Variants in MCC observed in about 807,000 individuals in gnomAD.
MCC encodes MCC regulator of Wnt signaling pathway.
In MCC, 90 loss-of-function variants were observed where a neutral mutation model predicts 116.2. That is an observed-to-expected ratio of 0.77 (90% confidence interval 0.65 to 0.92). The LOEUF (loss-of-function observed/expected upper bound fraction) is 0.92. Ranked by LOEUF, MCC falls within the 40% of genes least tolerant of loss-of-function variation. The pLI is 0.00. For synonymous variants in MCC, 578 were observed against 510.5 expected (o/e 1.13, Z -1.78); for missense variants, 1,516 against 1,312.2 (o/e 1.16, Z -2.40).
intron 11 of MCC, among the ~76,000 whole-genome samples, 188 bp from the exon 12 acceptor site, chr5:113,071,422 A>G (rs1318591425): frequency 6.6e-6 from 1 of 152,206 alleles, no homozygotes; most frequent in African/African-American, 2.4e-5. Flanking sequence ...TGTGAATTAC[A>G]AATAAAAAAT....
chr5:113,278,291 C>A (rs985116109), intron 3 of MCC, among the ~76,000 whole-genome samples: 4 of 152,114 alleles, frequency 2.6e-5, no homozygotes, highest in South Asian at 4.1e-4. Context: ...TCTCATGGGA[C>A]CATGGCATAC....
intron 1 of MCC, among the ~76,000 whole-genome samples, chr5:113,411,693 A>G (rs1769997181): frequency 6.6e-6 from 1 of 151,400 alleles, no homozygotes; most frequent in African/African-American, 2.4e-5. Context: ...AAGCAAAATA[A>G]AAAAAAATTT....
At chr5:113,141,831 T>A (rs1157658439) in intron 5 of MCC, among the ~76,000 whole-genome samples, 2 of 152,228 alleles carry the variant, frequency 1.3e-5, no homozygotes, top group Non-Finnish European at 2.9e-5. Context: ...TGATGTGTAT[T>A]TTTTCATATT....
intron 1 of MCC, among the ~76,000 whole-genome samples, chr5:113,454,710 C>G (rs1012769084): frequency 1.3e-5 from 2 of 152,068 alleles, no homozygotes; most frequent in Non-Finnish European, 2.9e-5. Context: ...AGTCCATCAA[C>G]TATAAAATTT....
chr5:113,401,054 G>A (rs1769670971), intron 1 of MCC, among the ~76,000 whole-genome samples: 1 of 152,126 alleles, frequency 6.6e-6, no homozygotes. Flanking sequence ...TAATACATAG[G>A]TTTTGGGGCA....
At chr5:113,086,892 A>T (rs981974989) in intron 8 of MCC, among the ~76,000 whole-genome samples, 3 of 152,210 alleles carry the variant, frequency 2.0e-5, no homozygotes, top group African/African-American at 7.2e-5. Flanking sequence ...TACCCCAGGG[A>T]TTCTGATTTA....
intron 3 of MCC, among the ~76,000 whole-genome samples, chr5:113,217,148 G>A (rs1763352353): frequency 6.6e-6 from 1 of 152,184 alleles, no homozygotes; most frequent in Non-Finnish European, 1.5e-5. Flanking sequence ...AAAACAAGCA[G>A]CTAGGTCTTA....
intron 1 of MCC, among the ~76,000 whole-genome samples, chr5:113,408,473 G>A (rs1301262316): frequency 6.6e-6 from 1 of 152,060 alleles, no homozygotes; most frequent in East Asian, 1.9e-4. Context: ...ATTCTTTTCA[G>A]CCCAATCTTT....
At chr5:113,165,911 G>A (rs1338949017) in intron 3 of MCC, among the ~76,000 whole-genome samples, 2 of 141,064 alleles carry the variant, frequency 1.4e-5, no homozygotes, top group Non-Finnish European at 3.0e-5. Context: ...ACGGCTTTCT[G>A]CCCCCAAAAC....
chr5:113,066,796 C>A (rs1484456652), intron 13 of MCC, among the ~76,000 whole-genome samples: 1 of 152,182 alleles, frequency 6.6e-6, no homozygotes, highest in Non-Finnish European at 1.5e-5. Context: ...CTAATGGAAG[C>A]TCACAGCAGA....
chr5:113,096,384 G>T (rs543099480), intron 8 of MCC, among the ~76,000 whole-genome samples: 12 of 152,330 alleles, frequency 7.9e-5, no homozygotes, highest in Middle Eastern at 3.4e-3. Context: ...TCATGGAAAG[G>T]CCTGGGCACA....
intron 12 of MCC, among the ~76,000 whole-genome samples, chr5:113,068,708 G>C (rs750243940): frequency 6.6e-6 from 1 of 152,220 alleles, no homozygotes; most frequent in African/African-American, 2.4e-5. Context: ...GTGTCTTCAA[G>C]ATTCTCAGGC....
At chr5:113,405,193 A>G (rs187302640) in intron 1 of MCC, among the ~76,000 whole-genome samples, 10 of 152,310 alleles carry the variant, frequency 6.6e-5, no homozygotes, top group African/African-American at 2.2e-4. Context: ...AGAAAACCAA[A>G]TGCCTCCTTA....
chr5:113,340,824 C>G lies in MCC; in HGVS notation c.416-94G>C, dbSNP rs896924664. 193 of 954,886 alleles carry G rather than the reference C, an allele frequency of 2.0e-4. 1 individual carries two copies. Among genetic ancestry groups the G allele is most frequent in the Middle Eastern group, 3.2e-4 (1 of 3,084 alleles). The allele number at this position is 954,886 out of a possible 1,614,324, so 59.2% of individuals were successfully genotyped here. On this transcript the variant is annotated intron_variant, in intron 2 of 18. Coordinates refer to ENST00000408903, the MANE Select transcript of MCC (RefSeq NM_001085377.2). ...AATGATTTGGAACCTCCTAAGCCTTCCATGTGCCAGCATCTCAGAACACAT... is the reference window on the plus strand; with the variant it reads ...AATGATTTGGAACCTCCTAAGCCTTGCATGTGCCAGCATCTCAGAACACAT...
chr5:113,098,709 A>C (rs1756200855), intron 8 of MCC, among the ~76,000 whole-genome samples: 1 of 152,250 alleles, frequency 6.6e-6, no homozygotes, highest in South Asian at 2.1e-4. Context: ...CAGAAGACCT[A>C]CAGAGAGCAC....
chr5:113,052,565 G>A (rs1293404402), intron 15 of MCC, among the ~76,000 whole-genome samples: 2 of 152,198 alleles, frequency 1.3e-5, no homozygotes, highest in Non-Finnish European at 2.9e-5. Flanking sequence ...CAAGGACAGG[G>A]CTGTGCTGAG....
chr5:113,072,886 C>A (rs986502862), intron 11 of MCC, among the ~76,000 whole-genome samples: 5 of 152,124 alleles, frequency 3.3e-5, no homozygotes, highest in Non-Finnish European at 5.9e-5. Flanking sequence ...CACATTGCCA[C>A]CTCTAGTTTA....
chr5:113,101,835 G>A lies in MCC; in HGVS notation c.1302C>T (p.Ser434=). The A allele has an allele frequency of 6.2e-7, 1 of 1,613,480 alleles. No individual in the cohort carries two copies. Among genetic ancestry groups the A allele is most frequent in the Non-Finnish European group, 8.5e-7 (1 of 1,180,020 alleles). Residue 434 remains serine, a synonymous_variant, in exon 8 of 19, where the codon AGC becomes AGT. Coordinates refer to ENST00000408903, the MANE Select transcript of MCC (RefSeq NM_001085377.2). ...ELAGLREENE[S]LTAMLCSKEE... is the part of the protein sequence containing the mutation. ...CTTTGCTGCACAGCATGGCAGTCAG[G>A]CTCTCATTCTCTTCCCTCAGCCCAG...
At chr5:113,283,697 C>T (rs1251562980) in intron 3 of MCC, among the ~76,000 whole-genome samples, 1 of 152,166 alleles carries the variant, frequency 6.6e-6, no homozygotes, top group African/African-American at 2.4e-5. Flanking sequence ...CTGCTAGGCT[C>T]CAACAATCTT....
Sources: gnomAD v4.1 joint callset for allele counts (sites outside exome capture counted in the v4.1 genomes callset) on GRCh38, gnomAD v4.1.1 for gene constraint, MANE v1.5 for transcripts, NCBI Gene and HGNC (gene_info 2026-07-23, HGNC 2026-07-21) for gene names.